The following PPP1R9A variants were observed in gnomAD, a reference collection of about 807,000 sequenced individuals.
PPP1R9A encodes neurabin-1.
In PPP1R9A, 59 loss-of-function variants were observed where a neutral mutation model predicts 141.9. The observed-to-expected ratio is 0.42, with a 90% confidence interval of 0.34 to 0.52. PPP1R9A has a LOEUF of 0.52. Among genes scored for constraint, PPP1R9A ranks in the 20% least tolerant of loss-of-function variants. PPP1R9A has a pLI of 0.10. For synonymous variants in PPP1R9A, 500 were observed against 569.7 expected (o/e 0.88, Z 1.74); for missense variants, 1,444 against 1,611.9 (o/e 0.90, Z 1.78).
chr7:95,228,744 A>G (rs1795494293), intron 8 of PPP1R9A, among the ~76,000 whole-genome samples: 1 of 152,206 alleles, frequency 6.6e-6, no homozygotes, highest in Non-Finnish European at 1.5e-5. Flanking sequence ...GTAAATTTCT[A>G]GAGAACTGGC....
At chr7:95,081,792 A>T (rs1815875084) in intron 2 of PPP1R9A, among the ~76,000 whole-genome samples, 1 of 152,224 alleles carries the variant, frequency 6.6e-6, no homozygotes, top group Non-Finnish European at 1.5e-5. Flanking sequence ...GTCTTGCTAC[A>T]ATTATGAAGC....
At chr7:95,089,010 C>G (rs976507002) in intron 2 of PPP1R9A, among the ~76,000 whole-genome samples, 1 of 151,942 alleles carries the variant, frequency 6.6e-6, no homozygotes, top group African/African-American at 2.4e-5. Context: ...CTAAAAAGGT[C>G]AACTTACTTA....
intron 4 of PPP1R9A, among the ~76,000 whole-genome samples, chr7:95,158,740 A>G (rs572746369): frequency 2.0e-5 from 3 of 152,334 alleles, no homozygotes; most frequent in African/African-American, 7.2e-5. Context: ...TTAAGTTAAT[A>G]AGAAAAGTCA....
intron 5 of PPP1R9A, among the ~76,000 whole-genome samples, chr7:95,195,205 A>C (rs1836065067): frequency 6.6e-6 from 1 of 152,266 alleles, no homozygotes; most frequent in Non-Finnish European, 1.5e-5. Context: ...AAACACTTTA[A>C]GGAGAAAAAT....
intron 2 of PPP1R9A, among the ~76,000 whole-genome samples, chr7:94,939,828 ACAC>A (rs1265460106): frequency 4.0e-5 from 6 of 151,104 alleles, no homozygotes; most frequent in Non-Finnish European, 8.9e-5. Flanking sequence ...ACACACACAC[ACAC>A]ACACACACAC....
rs1242359270 is a variant in PPP1R9A at position 95,257,892 on chromosome 7, A to G, written c.2665+5762A>G. Among the ~76,000 whole-genome samples, 5 of 152,314 alleles carry G rather than the reference A, an allele frequency of 3.3e-5. No individual in the cohort carries two copies. The East Asian group carries it at 9.7e-4, about 29-fold the overall frequency. Reference sequence around the variant, plus strand: ...TAGTATTCCCTGGTGTATATGTGCCACATTTTCTTAATCCACTCTATCATT... The same window carrying G: ...TAGTATTCCCTGGTGTATATGTGCCGCATTTTCTTAATCCACTCTATCATT... On this transcript the variant is annotated intron_variant, in intron 12 of 19. Transcript: ENST00000433360.
At chr7:95,172,824 C>T (rs1832329301) in intron 5 of PPP1R9A, among the ~76,000 whole-genome samples, 1 of 151,808 alleles carries the variant, frequency 6.6e-6, no homozygotes, top group African/African-American at 2.4e-5. Context: ...CATCACTAAT[C>T]AAGGCAATCT....
intron 2 of PPP1R9A, among the ~76,000 whole-genome samples, chr7:95,068,473 G>GAAAAAA (rs36043693): frequency 3.2e-5 from 3 of 94,156 alleles, no homozygotes; most frequent in Admixed American, 3.1e-4. Flanking sequence ...CTTGTCTCAA[G>GAAAAAA]AAAAAAAAAA....
intron 2 of PPP1R9A, among the ~76,000 whole-genome samples, chr7:94,979,655 T>C (rs1239419452): frequency 6.6e-6 from 1 of 152,198 alleles, no homozygotes; most frequent in African/African-American, 2.4e-5. Context: ...GAGGCAAGTG[T>C]CATTATTACC....
At chr7:95,105,238 A>G (rs1819345958) in intron 2 of PPP1R9A, among the ~76,000 whole-genome samples, 1 of 152,226 alleles carries the variant, frequency 6.6e-6, no homozygotes, top group Non-Finnish European at 1.5e-5. Flanking sequence ...TGTTTTGAAA[A>G]AGTGTTGTGG....
intron 2 of PPP1R9A, among the ~76,000 whole-genome samples, chr7:94,925,101 A>G (rs1292545279): frequency 6.6e-6 from 1 of 152,212 alleles, no homozygotes; most frequent in African/African-American, 2.4e-5. Context: ...TCACAGGATT[A>G]TGGAGACTGG....
intron 2 of PPP1R9A, among the ~76,000 whole-genome samples, chr7:95,084,719 T>C (rs1055026884): frequency 6.6e-6 from 1 of 152,052 alleles, no homozygotes; most frequent in African/African-American, 2.4e-5. Flanking sequence ...TTGAGATGTG[T>C]CTTTATTGAT....
At chr7:95,232,866 A>G (rs1796167950) in intron 8 of PPP1R9A, among the ~76,000 whole-genome samples, 1 of 152,208 alleles carries the variant, frequency 6.6e-6, no homozygotes, top group South Asian at 2.1e-4. Flanking sequence ...AAGTCAGGAA[A>G]CAACAGATGC....
intron 4 of PPP1R9A, among the ~76,000 whole-genome samples, chr7:95,150,402 A>G (rs1488474059): frequency 6.6e-6 from 1 of 152,166 alleles, no homozygotes; most frequent in Non-Finnish European, 1.5e-5. Context: ...TCCCAAGTTC[A>G]AGCAATTCTC....
chr7:94,919,469 A>G (rs533022098), intron 2 of PPP1R9A, among the ~76,000 whole-genome samples: 1 of 152,138 alleles, frequency 6.6e-6, no homozygotes, highest in African/African-American at 2.4e-5. Context: ...TTAAAGGTAC[A>G]AGTGGCATTG....
At chr7:95,143,381 T>TA (rs1203836148) in intron 4 of PPP1R9A, among the ~76,000 whole-genome samples, 1 of 152,102 alleles carries the variant, frequency 6.6e-6, no homozygotes, top group Admixed American at 6.6e-5. Flanking sequence ...TTTTTCTACT[T>TA]AAAACCTCTT....
intron 2 of PPP1R9A, among the ~76,000 whole-genome samples, chr7:95,105,395 A>G (rs570650558): frequency 1.1e-4 from 17 of 152,232 alleles, no homozygotes; most frequent in Non-Finnish European, 2.1e-4. Context: ...GTTACCCCTG[A>G]AAGCCTGTCT....
intron 2 of PPP1R9A, among the ~76,000 whole-genome samples, chr7:94,952,336 C>G (rs970057131): frequency 6.6e-6 from 1 of 152,140 alleles, no homozygotes; most frequent in Admixed American, 6.6e-5. Flanking sequence ...GGCACATTTT[C>G]TTTATCCAGT....
chr7:95,050,100 T>G (rs1025692163), intron 2 of PPP1R9A, among the ~76,000 whole-genome samples: 1 of 152,226 alleles, frequency 6.6e-6, no homozygotes, highest in African/African-American at 2.4e-5. Context: ...AAAGTGGCTG[T>G]ACCAGCAATG....
Sources: gnomAD v4.1 joint callset for allele counts (sites outside exome capture counted in the v4.1 genomes callset) on GRCh38, gnomAD v4.1.1 for gene constraint, MANE v1.5 for transcripts, NCBI Gene and HGNC (gene_info 2026-07-23, HGNC 2026-07-21) for gene names.